SDC3: variants seen among roughly 807,000 people sequenced by gnomAD.
The protein encoded by SDC3 is syndecan 3.
In SDC3, 13 loss-of-function variants were observed where a neutral mutation model predicts 24.4. The observed-to-expected ratio is 0.53, with a 90% CI of 0.35 to 0.85. SDC3 has a LOEUF of 0.85. Among genes scored for constraint, SDC3 ranks in the 40% least tolerant of loss-of-function variants. SDC3 has a pLI of 0.01. For missense variants in SDC3, 571 were observed against 584.5 expected, an observed-to-expected ratio of 0.98 and a Z score of 0.24; for synonymous variants, 295 against 260.9, an observed-to-expected ratio of 1.13 and a Z score of -1.26.
chr1:30,874,183 A>G, intron 4 of SDC3, 114 bp downstream of exon 4: 1 of 858,632 alleles, frequency 1.2e-6, no homozygotes, highest in South Asian at 1.8e-5. Flanking sequence ...TCTGGCTCCT[A>G]GGAAACCACG....
chr1:30,884,281 C>T (rs534924985), intron 1 of SDC3, among the ~76,000 whole-genome samples: 2 of 151,876 alleles, frequency 1.3e-5, no homozygotes, highest in South Asian at 2.1e-4. Context: ...ACAGACCCCC[C>T]CCAAGAAAAA....
chr1:30,873,386 G>C lies in SDC3; in HGVS notation c.1163-9C>G. On this transcript the variant is annotated splice_polypyrimidine_tract_variant and intron_variant, in intron 4 of 4. Transcript: ENST00000339394. ...CCCGCCCACAATCACAGCTGTGGAA[G>C]AAGAGGGCACAGGTCAAGGCCCAGA... The C allele has an allele frequency of 6.2e-7, 1 of 1,612,438 alleles. No individual in the cohort carries two copies. Among genetic ancestry groups the C allele is most frequent in the East Asian group, 2.2e-5 (1 of 44,876 alleles).
In SDC3 at chr1:30,901,650, G is replaced by A. The variant is rs1638416004; in HGVS notation, c.138+6799C>T. On this transcript the variant is annotated intron_variant, in intron 1 of 4. Coordinates refer to ENST00000339394, the MANE Select transcript of SDC3 (RefSeq NM_014654.4). ...GTCCGGCCCTTGGTCTCCTTCTAAG[G>A]GTACCCCCACCCCCAGAGTTCTCCT... Among the ~76,000 whole-genome samples, 4 of 152,078 alleles carry A rather than the reference G, an allele frequency of 2.6e-5. No homozygotes were observed. The South Asian group carries it at 8.3e-4, about 32-fold the overall frequency.
At chr1:30,908,243 G>T (rs1638568708) in intron 1 of SDC3, among the ~76,000 whole-genome samples, 1 of 150,572 alleles carries the variant, frequency 6.6e-6, no homozygotes, top group Admixed American at 6.6e-5. Flanking sequence ...ATGCCAGCTA[G>T]GGGGAGATTC....
intron 1 of SDC3, among the ~76,000 whole-genome samples, chr1:30,891,941 G>A (rs769288413): frequency 1.3e-5 from 2 of 151,842 alleles, no homozygotes; most frequent in African/African-American, 4.8e-5. Flanking sequence ...ATCCTGAGTG[G>A]GGAGGCCAAG....
At position 30,906,842 on chromosome 1, in the gene SDC3, G is replaced by A. The variant is rs191596771; in HGVS notation, c.138+1607C>T. On this transcript the variant is annotated intron_variant, in intron 1 of 4. Transcript: ENST00000339394. ...CTTTCAGAAATTTGGCTGAGAAGGC[G>A]ACCCCAGCTGCTAGGGTGTGCTGGG... Among the ~76,000 whole-genome samples the A allele has an allele frequency of 8.5e-5, 13 of 152,288 alleles. No homozygotes were observed. The East Asian group carries it at 1.5e-3, about 18-fold the overall frequency.
In SDC3 at chr1:30,876,975, C is replaced by T. The variant is rs746922572; in HGVS notation, c.447G>A (p.Pro149=). The T allele has an allele frequency of 3.8e-5, 61 of 1,613,718 alleles. No homozygotes were observed. Among genetic ancestry groups the T allele is most frequent in the Non-Finnish European group, 4.4e-5 (52 of 1,179,926 alleles). ...ATSPLVVTEV[P]EEPSQRATTV... ...TGGTGGCTCTCTGGCTGGGCTCTTC[C>T]GGGACTTCTGTCACCACCAGGGGGC... The change falls in exon 3 of 5, where the codon CCG becomes CCA. Residue 149 remains proline, a synonymous_variant. Coordinates refer to ENST00000339394, the MANE Select transcript of SDC3 (RefSeq NM_014654.4).
Position 30,890,255 on chromosome 1 carries a change from C to T in SDC3, c.139-11515G>A, listed in dbSNP as rs572680424. On this transcript the variant is annotated intron_variant, in intron 1 of 4. Transcript: ENST00000339394. ...CTGGGAGGCAGAGGTTGCAGGGAGC[C>T]GAGATCATGCCATTGCACCCCAGCC... 1.8e-4 allele frequency among the ~76,000 whole-genome samples: 28 copies of T among 152,220 alleles called. No homozygotes were observed. The South Asian group carries it at 3.5e-3, about 19-fold the overall frequency.
rs1639513858 is a variant in SDC3 at position 30,870,444 on chromosome 1, T to C, written c.*2767A>G. Reference sequence around the variant, plus strand: ...TGCCAAAGCCCCTCAGAACACTCCATCACAGGCAGGGGTAGGGGGACATGA... The same window carrying C: ...TGCCAAAGCCCCTCAGAACACTCCACCACAGGCAGGGGTAGGGGGACATGA... On this transcript the variant is annotated 3_prime_UTR_variant, in exon 5 of 5. Coordinates refer to ENST00000339394, the MANE Select transcript of SDC3 (RefSeq NM_014654.4). 1.3e-5 allele frequency: 2 copies of C among 152,840 alleles called. No homozygotes were observed. The highest frequency in any genetic ancestry group is 6.5e-5 in the Admixed American group (1 of 15,298). 9.5% of individuals were successfully genotyped at this position (152,840 alleles called of 1,614,324 possible).
Position 30,888,117 on chromosome 1 carries a change from C to T in SDC3, c.139-9377G>A, listed in dbSNP as rs2377658. ...GGAAGAAAGCAGCCTTCACTGAGCACACACTAAGCACTGGACTCTACCTTC... is the reference window on the plus strand; with the variant it reads ...GGAAGAAAGCAGCCTTCACTGAGCATACACTAAGCACTGGACTCTACCTTC... On this transcript the variant is annotated intron_variant, in intron 1 of 4. Coordinates refer to ENST00000339394, the MANE Select transcript of SDC3 (RefSeq NM_014654.4). Among the ~76,000 whole-genome samples the T allele has an allele frequency of 3.6e-3, 546 of 152,364 alleles. 11 individuals carry two copies. The highest frequency in any genetic ancestry group is 0.026 in the East Asian group (136 of 5,192).
chr1:30,899,668 C>G (rs1638370156), intron 1 of SDC3, among the ~76,000 whole-genome samples: 1 of 152,160 alleles, frequency 6.6e-6, no homozygotes, highest in African/African-American at 2.4e-5. Flanking sequence ...CCTCGCCCAG[C>G]CAAAATCCAC....
rs1028580055 is a variant in SDC3 at position 30,900,828 on chromosome 1, T to TG, written c.138+7620dup. Among the ~76,000 whole-genome samples, 49 of 150,680 alleles carry TG rather than the reference T, an allele frequency of 3.3e-4. No individual in the cohort carries two copies. In the East Asian group the frequency reaches 7.8e-3, roughly 24 times the overall value. On this transcript the variant is annotated intron_variant, in intron 1 of 4. Transcript: ENST00000339394. ...CAGGGATGGGGGAGGGCAGGATGGA[T>TG]GGGGGGGTCCTAGCTGGCAGTGCAG...
intron 1 of SDC3, among the ~76,000 whole-genome samples, chr1:30,895,717 C>T (rs1639989569): frequency 6.6e-6 from 1 of 152,172 alleles, no homozygotes; most frequent in African/African-American, 2.4e-5. Context: ...GCCCTCAAGA[C>T]CCCTGTCCCC....
chr1:30,881,571 CT>C (rs1639745858), intron 1 of SDC3: 1 of 152,276 alleles, frequency 6.6e-6, no homozygotes, highest in Non-Finnish European at 1.5e-5. Flanking sequence ...CACCACTGAT[CT>C]CGGGAGGGGA....
intron 1 of SDC3, among the ~76,000 whole-genome samples, chr1:30,883,762 C>T (rs762160042): frequency 2.8e-4 from 42 of 151,940 alleles, no homozygotes; most frequent in Non-Finnish European, 2.2e-4. Context: ...TTGCTTATCA[C>T]GAAAGGAGGG....
Position 30,878,328 on chromosome 1 carries a change from A to G in SDC3, c.256+295T>C. ...ACAGCTTATTGCACCTGACGGGACCACCGGAACCAAGCAAGGTCTGCAGAG... is the reference window on the plus strand; with the variant it reads ...ACAGCTTATTGCACCTGACGGGACCGCCGGAACCAAGCAAGGTCTGCAGAG... On this transcript the variant is annotated intron_variant, in intron 2 of 4. Transcript: ENST00000339394. The G allele has an allele frequency of 9.7e-6, 3 of 310,280 alleles. No individual in the cohort carries two copies. The South Asian group carries it at 1.6e-4, about 16-fold the overall frequency. The allele number at this position is 310,280 out of a possible 1,614,324, so 19.2% of individuals were successfully genotyped here.
intron 1 of SDC3, chr1:30,880,494 C>G (rs1639727189): frequency 6.6e-6 from 1 of 152,150 alleles, no homozygotes; most frequent in Non-Finnish European, 1.5e-5. Flanking sequence ...GGGGCCACCT[C>G]AGTAATTTTC....
intron 1 of SDC3, among the ~76,000 whole-genome samples, chr1:30,894,555 T>G (rs1443719261): frequency 7.4e-6 from 1 of 134,996 alleles, no homozygotes; most frequent in African/African-American, 3.0e-5. Context: ...TGAGTGTGTG[T>G]GGGTGAGAGT....
At chr1:30,901,020 G>A (rs1382999991) in intron 1 of SDC3, among the ~76,000 whole-genome samples, 2 of 152,168 alleles carry the variant, frequency 1.3e-5, no homozygotes, top group Non-Finnish European at 2.9e-5. Flanking sequence ...GCTAAGTAGG[G>A]GATGTGACGA....
Sources: gnomAD v4.1 joint callset for allele counts (sites outside exome capture counted in the v4.1 genomes callset) on GRCh38, gnomAD v4.1.1 for gene constraint, MANE v1.5 for transcripts, NCBI Gene and HGNC (gene_info 2026-07-23, HGNC 2026-07-21) for gene names.